The following THRB variants were observed in gnomAD, a reference collection of about 807,000 sequenced individuals.
The protein encoded by THRB is thyroid hormone receptor beta, also known as nuclear receptor subfamily 1 group A member 2.
In THRB, 12 loss-of-function variants were observed where a neutral mutation model predicts 47.8. That is an observed-to-expected ratio of 0.25 (90% CI 0.16 to 0.41). The LOEUF is 0.41. Ranked by LOEUF, THRB falls within the 10% of genes least tolerant of loss-of-function variation. THRB has a pLI of 1.00. For missense variants in THRB, 348 were observed against 589.2 expected, an observed-to-expected ratio of 0.59 and a Z score of 4.24; for synonymous variants, 218 against 212.2, an observed-to-expected ratio of 1.03 and a Z score of -0.24.
chr3:24,337,462 G>A (rs2062332699), intron 1 of THRB, 91 bp from the exon 2 acceptor site: 1 of 152,176 alleles, frequency 6.6e-6, no homozygotes, highest in African/African-American at 2.4e-5. Flanking sequence ...TTATTTCTAT[G>A]TTTAAATAGG....
At chr3:24,237,171 G>T (rs1383530901) in intron 3 of THRB, among the ~76,000 whole-genome samples, 1 of 152,184 alleles carries the variant, frequency 6.6e-6, no homozygotes, top group African/African-American at 2.4e-5. Flanking sequence ...ATCTGAGTGG[G>T]TCACCTCTTG....
intron 7 of THRB, among the ~76,000 whole-genome samples, chr3:24,146,150 C>T (rs2036072374): frequency 6.6e-6 from 1 of 152,126 alleles, no homozygotes; most frequent in Non-Finnish European, 1.5e-5. Flanking sequence ...CATGCAATAG[C>T]ACTCAACTTT....
chr3:24,458,543 T>G (rs1283587611), intron 1 of THRB: 1 of 152,194 alleles, frequency 6.6e-6, no homozygotes, highest in Non-Finnish European at 1.5e-5. Flanking sequence ...GGGTCCTAGT[T>G]AATGCACTGG....
chr3:24,256,842 C>T (rs1056865653), intron 3 of THRB, among the ~76,000 whole-genome samples: 3 of 152,160 alleles, frequency 2.0e-5, no homozygotes, highest in Admixed American at 6.5e-5. Context: ...TCTGAAACAG[C>T]ATTACAGAAA....
chr3:24,291,482 A>G (rs1377768741), intron 3 of THRB, among the ~76,000 whole-genome samples: 1 of 148,004 alleles, frequency 6.8e-6, no homozygotes, highest in Non-Finnish European at 1.5e-5. Context: ...CAAGTCCCTT[A>G]TACAAAAGGG....
In THRB at chr3:24,153,628, T is replaced by C. The variant is rs1480365540; in HGVS notation, c.284-1138A>G. Among the ~76,000 whole-genome samples the C allele has an allele frequency of 3.3e-5, 5 of 152,194 alleles. No individual in the cohort carries two copies. In the East Asian group the frequency reaches 9.6e-4, roughly 29 times the overall value. ...CCTGTTTCCCTCCTGTCTTTGCTCCTTCAGCTTCCTGTGGAGAGGATGCCC... is the reference window on the plus strand; with the variant it reads ...CCTGTTTCCCTCCTGTCTTTGCTCCCTCAGCTTCCTGTGGAGAGGATGCCC... On this transcript the variant is annotated intron_variant, in intron 5 of 10. Transcript: ENST00000646209.
chr3:24,472,729 T>G (rs913884758), intron 1 of THRB, among the ~76,000 whole-genome samples: 1 of 152,100 alleles, frequency 6.6e-6, no homozygotes, highest in African/African-American at 2.4e-5. Flanking sequence ...GACAGTTGAG[T>G]AATAATGGAA....
At chr3:24,139,178 G>A (rs1366068583) in intron 8 of THRB, among the ~76,000 whole-genome samples, 2 of 152,114 alleles carry the variant, frequency 1.3e-5, no homozygotes, top group African/African-American at 4.8e-5. Flanking sequence ...TGAGTAGATT[G>A]GAGAAAACTA....
chr3:24,460,647 G>A (rs572056188), intron 1 of THRB, among the ~76,000 whole-genome samples: 1 of 152,286 alleles, frequency 6.6e-6, no homozygotes, highest in Admixed American at 6.5e-5. Flanking sequence ...TAGCTCCAGA[G>A]TTATGCTGTA....
In THRB at chr3:24,221,806, T is replaced by A. The variant is rs74795669; in HGVS notation, c.22+7132A>T. ...TTGCTGGGAGATTTGAGGGAAGGTTTTCGCTAGTCTGTCTGGATTTGGTGA... is the reference window on the plus strand; with the variant it reads ...TTGCTGGGAGATTTGAGGGAAGGTTATCGCTAGTCTGTCTGGATTTGGTGA... On this transcript the variant is annotated intron_variant, in intron 4 of 10. Coordinates refer to ENST00000646209, the MANE Select transcript of THRB (RefSeq NM_001354712.2). Among the ~76,000 whole-genome samples, 928 of 152,318 alleles carry A rather than the reference T, an allele frequency of 6.1e-3. 5 individuals are homozygous for A. Among genetic ancestry groups the A allele is most frequent in the Middle Eastern group, 0.027 (8 of 294 alleles).
intron 5 of THRB, among the ~76,000 whole-genome samples, chr3:24,167,119 C>T (rs1284437460): frequency 6.6e-6 from 1 of 151,974 alleles, no homozygotes; most frequent in Non-Finnish European, 1.5e-5. Flanking sequence ...GTAAAGGAGC[C>T]ATAGACTCAA....
chr3:24,478,560 A>G (rs917909156), intron 1 of THRB, among the ~76,000 whole-genome samples: 2 of 151,840 alleles, frequency 1.3e-5, no homozygotes, highest in African/African-American at 4.8e-5. Flanking sequence ...CAGATGGGGA[A>G]AAAAGGAAGG....
At position 24,382,416 on chromosome 3, in the gene THRB, C is replaced by T. The variant is rs111618049; in HGVS notation, c.-260-45045G>A. Among the ~76,000 whole-genome samples, 1,255 of 151,800 alleles carry T rather than the reference C, an allele frequency of 8.3e-3. 4 individuals carry two copies. Among genetic ancestry groups the T allele is most frequent in the Middle Eastern group, 0.017 (5 of 294 alleles). On this transcript the variant is annotated intron_variant, in intron 1 of 10. Transcript: ENST00000646209. Reference sequence around the variant, plus strand: ...ACAAATAAGGAAAAATATCATTAAACGAATGGATAAAGATTATGAACAAGA... The same window carrying T: ...ACAAATAAGGAAAAATATCATTAAATGAATGGATAAAGATTATGAACAAGA...
rs187666006 is a variant in THRB at position 24,368,067 on chromosome 3, T to G, written c.-260-30696A>C. ...ACTAATCCCACATACAAGATAACAA[T>G]GCTACTTAACATATGTAATTATTTT... On this transcript the variant is annotated intron_variant, in intron 1 of 10. Coordinates refer to ENST00000646209, the MANE Select transcript of THRB (RefSeq NM_001354712.2). 8.8e-4 allele frequency among the ~76,000 whole-genome samples: 134 copies of G among 152,270 alleles called. No homozygotes were observed. The Middle Eastern group carries it at 0.01, about 12-fold the overall frequency.
At chr3:24,193,244 A>G (rs1174545178) in intron 4 of THRB, among the ~76,000 whole-genome samples, 1 of 152,220 alleles carries the variant, frequency 6.6e-6, no homozygotes, top group Non-Finnish European at 1.5e-5. Flanking sequence ...GGAGATTAAC[A>G]TCCCAAAAGG....
rs1247588018 is a variant in THRB at position 24,152,432 on chromosome 3, G to A, written c.342C>T (p.Ala114=). ...TGATACAGCGGTAGTGATACCCGGT[G>A]GCTTTGTCACCACACACTACACAGA... ...DELCVVCGDK[A]TGYHYRCITC... Residue 114 remains alanine (A), a synonymous_variant, in exon 6 of 11, where the codon GCC becomes GCT. Transcript: ENST00000646209. The A allele has an allele frequency of 8.7e-6, 14 of 1,613,236 alleles. No homozygotes were observed. The South Asian group carries it at 1.3e-4, about 15-fold the overall frequency.
intron 1 of THRB, among the ~76,000 whole-genome samples, chr3:24,380,946 T>G (rs1421462848): frequency 2.0e-5 from 3 of 151,576 alleles, no homozygotes; most frequent in African/African-American, 7.3e-5. Context: ...GAAACCCCGT[T>G]TCTACTAAAA....
chr3:24,285,380 T>A (rs1318176681), intron 3 of THRB, among the ~76,000 whole-genome samples: 4 of 141,154 alleles, frequency 2.8e-5, no homozygotes, highest in Admixed American at 7.8e-5. Context: ...GGAATTGAAC[T>A]ATGAGAACAC....
At chr3:24,212,428 G>A (rs939428627) in intron 4 of THRB, among the ~76,000 whole-genome samples, 4 of 145,434 alleles carry the variant, frequency 2.8e-5, no homozygotes, top group South Asian at 2.3e-4. Flanking sequence ...AAAACGAAAC[G>A]AAAATTAGCC....
Sources: gnomAD v4.1 joint callset for allele counts (sites outside exome capture counted in the v4.1 genomes callset) on GRCh38, gnomAD v4.1.1 for gene constraint, MANE v1.5 for transcripts, NCBI Gene and HGNC (gene_info 2026-07-23, HGNC 2026-07-21) for gene names.